Variants in LRRC4C observed in about 807,000 individuals in gnomAD.
The protein encoded by LRRC4C is leucine rich repeat containing 4C.
In LRRC4C, 5 loss-of-function variants were observed where a neutral mutation model predicts 33.6. The observed-to-expected ratio is 0.15, with a 90% CI of 0.08 to 0.31. The LOEUF is 0.31. Among genes scored for constraint, LRRC4C ranks in the 10% least tolerant of loss-of-function variants. The pLI, the probability that LRRC4C is intolerant of heterozygous loss-of-function variation, is 1.00. For synonymous variants in LRRC4C, 329 were observed against 302.0 expected (o/e 1.09, Z -0.93); for missense variants, 560 against 796.7 (o/e 0.70, Z 3.58).
At chr11:40,229,446 T>A (rs1485439415) in intron 5 of LRRC4C, among the ~76,000 whole-genome samples, 1 of 152,058 alleles carries the variant, frequency 6.6e-6, no homozygotes, top group Non-Finnish European at 1.5e-5. Flanking sequence ...CTAATTTTTG[T>A]ATTTTTAGTA....
intron 2 of LRRC4C, among the ~76,000 whole-genome samples, chr11:40,775,044 A>AAAT (rs1565045674): frequency 8.6e-5 from 13 of 151,922 alleles, no homozygotes; most frequent in Non-Finnish European, 1.9e-4. Context: ...AATAAATAAA[A>AAAT]AATCCAGTTT....
At chr11:41,057,152 C>A (rs1166092719) in intron 1 of LRRC4C, among the ~76,000 whole-genome samples, 11 of 152,204 alleles carry the variant, frequency 7.2e-5, no homozygotes, top group Admixed American at 7.2e-4. Context: ...CCTTCGCAGG[C>A]TTGGAAATGC....
intron 2 of LRRC4C, among the ~76,000 whole-genome samples, chr11:40,891,055 C>A (rs1248489145): frequency 6.6e-6 from 1 of 152,134 alleles, no homozygotes; most frequent in Non-Finnish European, 1.5e-5. Context: ...CCATCCTGGC[C>A]AATGTCTCTA....
At chr11:40,492,310 C>T (rs1251691700) in intron 3 of LRRC4C, among the ~76,000 whole-genome samples, 3 of 151,996 alleles carry the variant, frequency 2.0e-5, no homozygotes, top group African/African-American at 4.8e-5. Flanking sequence ...ATTGGTTAAT[C>T]GATAAGATTC....
chr11:41,340,137 CT>C (rs1951582259), intron 1 of LRRC4C, among the ~76,000 whole-genome samples: 1 of 152,088 alleles, frequency 6.6e-6, no homozygotes, highest in South Asian at 2.1e-4. Flanking sequence ...TTTCGCTCAT[CT>C]TTTTTACAGA....
chr11:40,455,620 A>G (rs550076911), intron 3 of LRRC4C, among the ~76,000 whole-genome samples: 9 of 152,226 alleles, frequency 5.9e-5, no homozygotes, highest in Non-Finnish European at 8.8e-5. Context: ...TCACATTCCC[A>G]ATGACAGAGA....
chr11:41,275,184 C>T (rs1457144896), intron 1 of LRRC4C, among the ~76,000 whole-genome samples: 1 of 152,116 alleles, frequency 6.6e-6, no homozygotes, highest in Non-Finnish European at 1.5e-5. Flanking sequence ...GGCACTGGTG[C>T]CATGCCTGTG....
intron 5 of LRRC4C, among the ~76,000 whole-genome samples, chr11:40,231,391 A>C (rs1195084769): frequency 6.6e-6 from 1 of 152,226 alleles, no homozygotes; most frequent in African/African-American, 2.4e-5. Flanking sequence ...TCAATAGCTA[A>C]TATAGTGTAT....
At chr11:41,202,795 T>C (rs1039178131) in intron 1 of LRRC4C, among the ~76,000 whole-genome samples, 1 of 152,124 alleles carries the variant, frequency 6.6e-6, no homozygotes, top group South Asian at 2.1e-4. Flanking sequence ...CCGATTTTTT[T>C]TTTTTTTTGA....
At chr11:41,124,399 C>T (rs1379833128) in intron 1 of LRRC4C, among the ~76,000 whole-genome samples, 1 of 152,278 alleles carries the variant, frequency 6.6e-6, no homozygotes, top group South Asian at 2.1e-4. Flanking sequence ...GTCTTTAAGT[C>T]CAAGAATTCT....
rs1489991468 is a variant in LRRC4C at position 40,709,905 on chromosome 11, C to T, written c.-406-61627G>A. Among the ~76,000 whole-genome samples, 3 of 152,156 alleles carry T rather than the reference C, an allele frequency of 2.0e-5. No individual in the cohort carries two copies. The East Asian group carries it at 5.8e-4, about 29-fold the overall frequency. On this transcript the variant is annotated intron_variant, in intron 2 of 6. Transcript: ENST00000528697. ...TTCGTTTCTTTTTACTCTTTTTTCT[C>T]TAAACTTCTTTTCTCACTTCATTTC...
intron 3 of LRRC4C, among the ~76,000 whole-genome samples, chr11:40,559,384 C>T (rs1042023385): frequency 2.0e-5 from 3 of 152,018 alleles, no homozygotes; most frequent in African/African-American, 7.3e-5. Flanking sequence ...GGGGTTTTGC[C>T]ATGTTGCCCA....
intron 3 of LRRC4C, among the ~76,000 whole-genome samples, chr11:40,562,804 G>A (rs892294333): frequency 1.3e-5 from 2 of 152,092 alleles, no homozygotes; most frequent in African/African-American, 4.8e-5. Flanking sequence ...TATTAGAACC[G>A]AACAATTCAT....
intron 2 of LRRC4C, among the ~76,000 whole-genome samples, chr11:40,931,913 C>G (rs558899975): frequency 2.0e-5 from 3 of 152,078 alleles, no homozygotes; most frequent in African/African-American, 7.2e-5. Flanking sequence ...GAGGATCGAT[C>G]CTTCAGTACT....
intron 1 of LRRC4C, among the ~76,000 whole-genome samples, chr11:41,186,767 T>C (rs1255897821): frequency 6.6e-6 from 1 of 152,170 alleles, no homozygotes; most frequent in East Asian, 1.9e-4. Flanking sequence ...AAAATCTAAA[T>C]TACGCCCTGA....
chr11:41,423,651 C>A (rs184745166), intron 1 of LRRC4C, among the ~76,000 whole-genome samples: 44 of 152,172 alleles, frequency 2.9e-4, no homozygotes, highest in African/African-American at 9.4e-4. Flanking sequence ...GAACTGGATA[C>A]TGAGTAGCAA....
At chr11:40,920,715 T>A (rs1280335225) in intron 2 of LRRC4C, among the ~76,000 whole-genome samples, 1 of 152,024 alleles carries the variant, frequency 6.6e-6, no homozygotes, top group Non-Finnish European at 1.5e-5. Flanking sequence ...CACAATGAGA[T>A]CTTTGTGGTA....
intron 2 of LRRC4C, among the ~76,000 whole-genome samples, chr11:40,840,790 A>G (rs1952877681): frequency 6.6e-6 from 1 of 152,214 alleles, no homozygotes; most frequent in Non-Finnish European, 1.5e-5. Flanking sequence ...AGAACAGTAA[A>G]ACAAAAGAAA....
intron 1 of LRRC4C, among the ~76,000 whole-genome samples, chr11:41,208,855 G>A (rs894502822): frequency 6.6e-5 from 10 of 152,162 alleles, no homozygotes; most frequent in African/African-American, 2.4e-4. Flanking sequence ...GTGCCTCAAG[G>A]ACAAGGCCAC....
Sources: gnomAD v4.1 joint callset for allele counts (sites outside exome capture counted in the v4.1 genomes callset) on GRCh38, gnomAD v4.1.1 for gene constraint, MANE v1.5 for transcripts, NCBI Gene and HGNC (gene_info 2026-07-23, HGNC 2026-07-21) for gene names.